QRFPR: variants seen among roughly 807,000 people sequenced by gnomAD.
QRFPR encodes the protein pyroglutamylated RFamide peptide receptor, also known as pyroglutamylated RF-amide peptide receptor.
In QRFPR, 37 loss-of-function variants were observed where a neutral mutation model predicts 31.3. The ratio of observed to expected loss-of-function variants is 1.18; its 90% CI spans 0.91 to 1.56. The LOEUF (loss-of-function observed/expected upper bound fraction) is 1.56, where lower values mean the gene tolerates loss of function less well. Ranked by LOEUF, QRFPR falls within the 40% of genes most tolerant of loss-of-function variation. The pLI, the probability that QRFPR is intolerant of heterozygous loss-of-function variation, is 0.00. For synonymous variants in QRFPR, 197 were observed against 192.0 expected (o/e 1.03, Z -0.22); for missense variants, 542 against 532.5 (o/e 1.02, Z -0.18).
chr4:121,373,447 G>T (rs1242141389), intron 1 of QRFPR, among the ~76,000 whole-genome samples: 1 of 152,130 alleles, frequency 6.6e-6, no homozygotes, highest in Non-Finnish European at 1.5e-5. Flanking sequence ...CCAAACTACT[G>T]TTGCTGTTGG....
chr4:121,378,192 A>T (rs1726392823), intron 1 of QRFPR, among the ~76,000 whole-genome samples: 1 of 152,078 alleles, frequency 6.6e-6, no homozygotes. Flanking sequence ...TCTCACACTA[A>T]CCCTATAAAA....
chr4:121,342,509 C>A (rs1257860911), intron 1 of QRFPR, among the ~76,000 whole-genome samples: 1 of 152,210 alleles, frequency 6.6e-6, no homozygotes, highest in African/African-American at 2.4e-5. Flanking sequence ...ATATTTGTAA[C>A]TGAGCCTGTC....
At chr4:121,366,782 A>G (rs867716476) in intron 1 of QRFPR, among the ~76,000 whole-genome samples, 8 of 150,090 alleles carry the variant, frequency 5.3e-5, no homozygotes, top group Middle Eastern at 3.2e-3. Flanking sequence ...CACCTCTCTG[A>G]GCCTCCATTT....
intron 3 of QRFPR, among the ~76,000 whole-genome samples, chr4:121,335,514 G>T (rs1011015036): frequency 7.5e-6 from 1 of 134,166 alleles, no homozygotes; most frequent in African/African-American, 2.8e-5. Context: ...ACATCTGCCC[G>T]CTTCCTCTCC....
chr4:121,375,457 C>T (rs1408323648), intron 1 of QRFPR, among the ~76,000 whole-genome samples: 1 of 152,190 alleles, frequency 6.6e-6, no homozygotes, highest in Non-Finnish European at 1.5e-5. Context: ...TCCCAGTGCA[C>T]ACAGGAAATA....
chr4:121,349,153 T>C (rs530437512), intron 1 of QRFPR, among the ~76,000 whole-genome samples: 3 of 152,172 alleles, frequency 2.0e-5, no homozygotes, highest in African/African-American at 4.8e-5. Context: ...TCTTGGTTAC[T>C]GTTTGGAAGA....
rs1484379036 is a variant in QRFPR, at chr4:121,369,781, C to T, written c.340+10527G>A. On this transcript the variant is annotated intron_variant, in intron 1 of 5. Transcript: ENST00000394427. ...TGGAAGAACCAGAAGTGAACCAGCC[C>T]CTGGGTCTCTGCTTAGGTGAAAAGT... is the stretch of plus-strand genomic sequence containing the variant. 7.0e-6 allele frequency: 11 copies of T among 1,578,442 alleles called. No individual in the cohort carries two copies. In the East Asian group the frequency reaches 2.0e-4, roughly 29 times the overall value.
chr4:121,345,058 T>G (rs1384706222), intron 1 of QRFPR, among the ~76,000 whole-genome samples: 6 of 152,232 alleles, frequency 3.9e-5, no homozygotes, highest in Non-Finnish European at 7.3e-5. Flanking sequence ...TCTCATATTT[T>G]GATTTTCCAG....
intron 2 of QRFPR, among the ~76,000 whole-genome samples, chr4:121,339,550 T>C (rs1442646971): frequency 1.3e-5 from 2 of 152,218 alleles, no homozygotes; most frequent in African/African-American, 4.8e-5. Context: ...TGTTCTCATG[T>C]ACCCTGTCAC....
At chr4:121,357,795 A>C (rs1039963357) in intron 1 of QRFPR, among the ~76,000 whole-genome samples, 6 of 152,220 alleles carry the variant, frequency 3.9e-5, no homozygotes, top group Non-Finnish European at 7.3e-5. Flanking sequence ...GATTTGAGAG[A>C]GAGCCCTCAC....
chr4:121,336,292 C>T (rs1725435241), intron 3 of QRFPR, among the ~76,000 whole-genome samples: 1 of 152,128 alleles, frequency 6.6e-6, no homozygotes, highest in Admixed American at 6.5e-5. Context: ...ATGGCTGGGC[C>T]TGTCTGACAA....
intron 1 of QRFPR, among the ~76,000 whole-genome samples, chr4:121,347,831 C>T (rs1725686717): frequency 6.6e-6 from 1 of 152,072 alleles, no homozygotes; most frequent in Non-Finnish European, 1.5e-5. Flanking sequence ...AAACCATAAA[C>T]AGCATTTTAT....
At chr4:121,372,153 G>T (rs1004092068) in intron 1 of QRFPR, among the ~76,000 whole-genome samples, 1 of 152,130 alleles carries the variant, frequency 6.6e-6, no homozygotes, top group African/African-American at 2.4e-5. Flanking sequence ...ATAAGAGAAG[G>T]TCAGTCTCCC....
At chr4:121,335,379 A>G (rs1725411835) in intron 3 of QRFPR, among the ~76,000 whole-genome samples, 1 of 152,038 alleles carries the variant, frequency 6.6e-6, no homozygotes, top group Admixed American at 6.5e-5. Flanking sequence ...GCATCCTCAG[A>G]CAGGAGCTGG....
chr4:121,354,015 T>G (rs1462839317), intron 1 of QRFPR, among the ~76,000 whole-genome samples: 1 of 152,098 alleles, frequency 6.6e-6, no homozygotes, highest in Non-Finnish European at 1.5e-5. Flanking sequence ...AATAAGTGAC[T>G]GCAAATGCAT....
intron 5 of QRFPR, 92 bp from the exon 6 acceptor site, chr4:121,329,806 A>G: frequency 1.0e-6 from 1 of 954,242 alleles, no homozygotes; most frequent in Non-Finnish European, 1.5e-6. Flanking sequence ...TTAAACTTGT[A>G]CAAGTATCTG....
rs1323062765 is a variant in QRFPR at position 121,361,791 on chromosome 4, G to A, written c.340+18517C>T. On this transcript the variant is annotated intron_variant, in intron 1 of 5. Coordinates refer to ENST00000394427, the MANE Select transcript of QRFPR (RefSeq NM_198179.3). ...AATATTTTTTTCACGAGGTAACTAG[G>A]CCGCAAGTTTGTAGTATGACAACTT... Among the ~76,000 whole-genome samples the A allele has an allele frequency of 1.3e-5, 2 of 149,918 alleles. 1 individual carries two copies. Among genetic ancestry groups the A allele is most frequent in the Non-Finnish European group, 3.0e-5 (2 of 67,564 alleles).
At chr4:121,350,125 A>G (rs1056862905) in intron 1 of QRFPR, among the ~76,000 whole-genome samples, 1 of 152,164 alleles carries the variant, frequency 6.6e-6, no homozygotes, top group African/African-American at 2.4e-5. Context: ...AAACAGGCAG[A>G]GATTCTTTGT....
chr4:121,336,619 G>A (rs1035437263), intron 3 of QRFPR, among the ~76,000 whole-genome samples, 188 bp downstream of exon 3: 1 of 152,122 alleles, frequency 6.6e-6, no homozygotes, highest in East Asian at 1.9e-4. Context: ...AATGTATCAG[G>A]AAGAGCTAGA....
Sources: allele counts gnomAD v4.1 joint callset (sites outside exome capture counted in the v4.1 genomes callset), GRCh38; gene constraint gnomAD v4.1.1; transcripts MANE v1.5; gene names NCBI Gene and HGNC (gene_info 2026-07-23, HGNC 2026-07-21).